Variants in DDX50 observed in about 807,000 individuals in gnomAD.
DDX50 encodes the protein ATP-dependent RNA helicase DDX50.
Under a neutral mutation model 94.8 loss-of-function variants are expected in DDX50, and 56 were observed. The ratio of observed to expected loss-of-function variants is 0.59; its 90% CI spans 0.48 to 0.74. DDX50 has a LOEUF of 0.74. Ranked by LOEUF, DDX50 falls within the 30% of genes least tolerant of loss-of-function variation. DDX50 has a pLI of 0.00. For synonymous variants in DDX50, 264 were observed against 295.4 expected (o/e 0.89, Z 1.09); for missense variants, 713 against 881.2 (o/e 0.81, Z 2.42).
intron 2 of DDX50, among the ~76,000 whole-genome samples, chr10:68,908,322 A>G (rs1028158345): frequency 1.3e-5 from 2 of 151,926 alleles, no homozygotes; most frequent in East Asian, 3.9e-4. Context: ...GTGGTGGCGC[A>G]TGCCTGTAAT....
In DDX50 at chr10:68,934,344, A is replaced by G; in HGVS notation, c.1385A>G (p.Gln462Arg). 1 of 1,613,696 alleles carries G rather than the reference A, an allele frequency of 6.2e-7. No homozygotes were observed. The highest frequency in any genetic ancestry group is 8.5e-7 in the Non-Finnish European group (1 of 1,179,806). The change falls in exon 9 of 15, where the codon CAA (glutamine) becomes CGA (arginine). Residue 462 changes from glutamine (Q) to arginine (R), a missense_variant. Coordinates refer to ENST00000373585, the MANE Select transcript of DDX50 (RefSeq NM_024045.2). This position sits in a 1 kb window ranked among gnomAD's most constrained non-coding sequence, Gnocchi z 4.0. Reference sequence around the variant, plus strand: ...ATTCCTGAAGTTGACCTGGTGATTCAAAGTTCTCCTCCTCAGGTAGGAAAT... The same window carrying G: ...ATTCCTGAAGTTGACCTGGTGATTCGAAGTTCTCCTCCTCAGGTAGGAAAT... ...LDIPEVDLVI[Q>R]SSPPQDVESY...
intron 8 of DDX50, among the ~76,000 whole-genome samples, chr10:68,923,185 ATTAT>A (rs1233002785): frequency 7.0e-6 from 1 of 142,130 alleles, no homozygotes; most frequent in African/African-American, 2.6e-5. Flanking sequence ...ACTTTTATAT[ATTAT>A]TTATATATTT....
At chr10:68,905,463 A>T (rs1589247467) in intron 1 of DDX50, among the ~76,000 whole-genome samples, 1 of 152,318 alleles carries the variant, frequency 6.6e-6, no homozygotes, top group East Asian at 1.9e-4. Context: ...TGAATTGTCA[A>T]AGTGCAGGGA....
At chr10:68,922,856 C>G (rs1210150982) in intron 8 of DDX50, among the ~76,000 whole-genome samples, 1 of 143,266 alleles carries the variant, frequency 7.0e-6, no homozygotes, top group East Asian at 2.1e-4. Flanking sequence ...GGTACAATCT[C>G]GGCTCACTGC....
chr10:68,918,981 T>A (rs1033910299), intron 7 of DDX50, among the ~76,000 whole-genome samples: 7 of 152,342 alleles, frequency 4.6e-5, no homozygotes, highest in Non-Finnish European at 8.8e-5. Flanking sequence ...TAGATATGTT[T>A]AGAGACGCAC....
chr10:68,903,662 A>C (rs1841355780), intron 1 of DDX50, among the ~76,000 whole-genome samples: 1 of 151,804 alleles, frequency 6.6e-6, no homozygotes, highest in South Asian at 2.1e-4. Flanking sequence ...TTAGCTGGGC[A>C]TGGTGGCACA....
chr10:68,905,444 T>G (rs1375952793), intron 1 of DDX50, among the ~76,000 whole-genome samples: 1 of 152,220 alleles, frequency 6.6e-6, no homozygotes, highest in Non-Finnish European at 1.5e-5. Context: ...TTTGTTTTCC[T>G]TTAGCCTGTG....
Position 68,913,594 on chromosome 10 carries a change from A to G in DDX50, c.943+18A>G. The G allele has an allele frequency of 6.3e-7, 1 of 1,590,696 alleles. No homozygotes were observed. Among genetic ancestry groups the G allele is most frequent in the Non-Finnish European group, 8.6e-7 (1 of 1,168,742 alleles). Reference sequence around the variant, plus strand: ...CAAAACTGGTATATCCTAATTCAAAATAAGCACATTAGCAATTATTGTTCG... The same window carrying G: ...CAAAACTGGTATATCCTAATTCAAAGTAAGCACATTAGCAATTATTGTTCG... On this transcript the variant is annotated intron_variant, in intron 6 of 14. Coordinates refer to ENST00000373585, the MANE Select transcript of DDX50 (RefSeq NM_024045.2).
At chr10:68,940,753 A>G (rs561952417) in intron 12 of DDX50, among the ~76,000 whole-genome samples, 5 of 152,050 alleles carry the variant, frequency 3.3e-5, no homozygotes, top group African/African-American at 9.7e-5. Flanking sequence ...GACTCCTTCA[A>G]CATTTCCTTA....
At chr10:68,914,033 A>G (rs764971823) in intron 6 of DDX50, 26 bp from the exon 7 acceptor site, 63 of 1,551,670 alleles carry the variant, frequency 4.1e-5, no homozygotes, top group Non-Finnish European at 5.3e-5. Context: ...TTAAGAAAAC[A>G]TTTGAATTCT....
intron 7 of DDX50, among the ~76,000 whole-genome samples, chr10:68,917,346 G>T (rs1841825339): frequency 6.6e-6 from 1 of 152,114 alleles, no homozygotes; most frequent in East Asian, 2.0e-4. Context: ...TGTAGTCCCA[G>T]CTACTTGGGA....
chr10:68,931,392 A>AAAAAAT (rs1256416800), intron 8 of DDX50, among the ~76,000 whole-genome samples: 10 of 85,758 alleles, frequency 1.2e-4, no homozygotes, highest in East Asian at 4.3e-4. Flanking sequence ...TAAAAAAAAA[A>AAAAAAT]ATATATATAT....
In DDX50 at chr10:68,913,208, A is replaced by G; in HGVS notation, c.686A>G (p.Lys229Arg). 6.2e-7 allele frequency: 1 copy of G among 1,613,254 alleles called. No individual in the cohort carries two copies. Among genetic ancestry groups the G allele is most frequent in the Middle Eastern group, 1.7e-4 (1 of 6,054 alleles). Reference sequence around the variant, plus strand: ...AGGGAACTGGCAAACCAAGTAGCCAAAGACTTCAAAGATATAACTAGGAAA... The same window carrying G: ...AGGGAACTGGCAAACCAAGTAGCCAGAGACTTCAAAGATATAACTAGGAAA... ...PTRELANQVA[K>R]DFKDITRKLS... The change falls in exon 5 of 15, where the codon AAA (lysine) becomes AGA (arginine). Residue 229 changes from lysine (K) to arginine (R), a missense_variant. Lys to Arg is a conservative substitution (Grantham distance 26). This residue lies in a region of DDX50 where 285 missense variants were observed against 278.9 expected (regional missense o/e 1.02). Transcript: ENST00000373585.
intron 8 of DDX50, among the ~76,000 whole-genome samples, chr10:68,930,111 T>C (rs977932908): frequency 2.3e-5 from 3 of 132,434 alleles, no homozygotes; most frequent in African/African-American, 3.6e-5. Context: ...TTTCTTTCCT[T>C]TCCTTTTTTT....
At chr10:68,905,387 C>T (rs574118497) in intron 1 of DDX50, among the ~76,000 whole-genome samples, 4 of 150,584 alleles carry the variant, frequency 2.7e-5, no homozygotes, top group East Asian at 3.9e-4. Context: ...ACTGTCCTTC[C>T]GTGGAAGTAT....
At chr10:68,910,511 T>C in intron 3 of DDX50, 129 bp downstream of exon 3, 1 of 641,364 alleles carries the variant, frequency 1.6e-6, no homozygotes, top group East Asian at 3.2e-5. Flanking sequence ...CAAGCGATTC[T>C]CCTACCTCAG....
intron 1 of DDX50, among the ~76,000 whole-genome samples, chr10:68,905,224 T>C (rs1208628355): frequency 1.3e-5 from 2 of 152,128 alleles, no homozygotes; most frequent in African/African-American, 4.8e-5. Flanking sequence ...GCCACCAGGC[T>C]AAAGTCCTAA....
intron 8 of DDX50, among the ~76,000 whole-genome samples, chr10:68,922,106 G>T (rs900981594): frequency 7.2e-5 from 11 of 152,056 alleles, no homozygotes; most frequent in Non-Finnish European, 1.6e-4. Context: ...CTCTTGTTGT[G>T]CATATATTGA....
In DDX50 at chr10:68,946,665, C is replaced by G. The variant is rs757316201; in HGVS notation, c.*35C>G. 21 of 1,588,630 alleles carry G rather than the reference C, an allele frequency of 1.3e-5. No individual in the cohort carries two copies. The East Asian group carries it at 4.5e-4, about 34-fold the overall frequency. On this transcript the variant is annotated 3_prime_UTR_variant, in exon 15 of 15. Transcript: ENST00000373585. ...AGTTAATCTACCAGTGTGAGCTTGC[C>G]TATTTCTGCCTAATCATGTACATTA... is the stretch of plus-strand genomic sequence containing the variant.
Sources: allele counts gnomAD v4.1 joint callset (sites outside exome capture counted in the v4.1 genomes callset), GRCh38; gene constraint gnomAD v4.1.1; regional missense constraint gnomAD v4.1.1; non-coding constraint Gnocchi (gnomAD v3.1); transcripts MANE v1.5; gene names NCBI Gene and HGNC (gene_info 2026-07-23, HGNC 2026-07-21).